HSP90AA1: variants seen among roughly 807,000 people sequenced by gnomAD.
HSP90AA1 encodes the protein heat shock protein HSP 90-alpha.
Under a neutral mutation model 73.3 loss-of-function variants are expected in HSP90AA1, and 18 were observed. That is an observed-to-expected ratio of 0.25 (90% confidence interval 0.17 to 0.36). HSP90AA1 has a LOEUF of 0.36. HSP90AA1 is among the 10% of genes least tolerant of loss of function. The probability of loss-of-function intolerance (pLI) is 1.00; values close to 1 mark genes in which losing one functional copy is unlikely to be tolerated. For missense variants in HSP90AA1, 704 were observed against 874.2 expected, an observed-to-expected ratio of 0.81 and a Z score of 2.45; for synonymous variants, 477 against 296.9, an observed-to-expected ratio of 1.61 and a Z score of -6.24.
At chr14:102,138,386 G>A (rs1328032828) in intron 1 of HSP90AA1, among the ~76,000 whole-genome samples, 1 of 152,092 alleles carries the variant, frequency 6.6e-6, no homozygotes, top group Non-Finnish European at 1.5e-5. Flanking sequence ...CCATGGTAAC[G>A]ACAGAACATA....
At chr14:102,126,924 G>A (rs2152625702) in intron 1 of HSP90AA1, among the ~76,000 whole-genome samples, 1 of 152,132 alleles carries the variant, frequency 6.6e-6, no homozygotes, top group African/African-American at 2.4e-5. Context: ...CTTACTTCCT[G>A]CCACAGGCCC....
chr14:102,087,676 T>C (rs1595661449), upstream of HSP90AA1, among the ~76,000 whole-genome samples: 1 of 152,048 alleles, frequency 6.6e-6, no homozygotes, highest in Non-Finnish European at 1.5e-5. Context: ...CTGGGGAGGC[T>C]GTCCCGCGGC....
chr14:102,129,456 C>A (rs891522125), intron 1 of HSP90AA1, among the ~76,000 whole-genome samples: 2 of 152,034 alleles, frequency 1.3e-5, no homozygotes, highest in Non-Finnish European at 2.9e-5. Context: ...TGTCATTTCC[C>A]CATCCCTAGG....
chr14:102,091,125 T>C (rs1411947981), upstream of HSP90AA1, among the ~76,000 whole-genome samples: 3 of 152,206 alleles, frequency 2.0e-5, no homozygotes, highest in Non-Finnish European at 4.4e-5. Flanking sequence ...TTATGCCCCC[T>C]CACTTGCTTG....
intron 3 of HSP90AA1, 36 bp from the exon 4 acceptor site, chr14:102,085,467 T>C: frequency 1.9e-6 from 2 of 1,054,516 alleles, no homozygotes; most frequent in Non-Finnish European, 2.7e-6. Context: ...CTTAATACAT[T>C]CAATTTAGTG....
chr14:102,107,910 C>T (rs187195651), intron 1 of HSP90AA1, among the ~76,000 whole-genome samples: 12 of 151,354 alleles, frequency 7.9e-5, no homozygotes, highest in African/African-American at 2.9e-4. Context: ...CTTCTGGTTT[C>T]TGTAATTGTA....
At chr14:102,105,827 T>C (rs962083207) in intron 1 of HSP90AA1, among the ~76,000 whole-genome samples, 1 of 152,126 alleles carries the variant, frequency 6.6e-6, no homozygotes, top group African/African-American at 2.4e-5. Context: ...CCCAGCACTT[T>C]GGGAGGGTGA....
In HSP90AA1 at chr14:102,087,028, G is replaced by C. The variant is rs955003904; in HGVS notation, c.-43C>G. The C allele has an allele frequency of 1.4e-5, 14 of 985,194 alleles. No homozygotes were observed. The highest frequency in any genetic ancestry group is 1.7e-5 in the Non-Finnish European group (14 of 830,118). The allele number at this position is 985,194 out of a possible 1,614,324, so 61.0% of individuals were successfully genotyped here. On this transcript the variant is annotated 5_prime_UTR_variant, in exon 1 of 11. Transcript: ENST00000216281. Reference sequence around the variant, plus strand: ...ACAGGACCAACGGCACAGCCACACCGGGACGCTGAAGCAACTGACGCGCCA... The same window carrying C: ...ACAGGACCAACGGCACAGCCACACCCGGACGCTGAAGCAACTGACGCGCCA...
intron 1 of HSP90AA1, among the ~76,000 whole-genome samples, chr14:102,126,549 G>A (rs566250345): frequency 1.4e-4 from 21 of 151,220 alleles, no homozygotes; most frequent in African/African-American, 4.9e-4. Context: ...TTTTTGAGAC[G>A]GAGTCTCGCT....
intron 1 of HSP90AA1, among the ~76,000 whole-genome samples, chr14:102,116,410 T>C (rs932372047): frequency 1.2e-4 from 18 of 152,222 alleles, no homozygotes; most frequent in African/African-American, 4.3e-4. Context: ...TTGCTTATCA[T>C]GGCAGTGGCC....
chr14:102,121,022 T>TACAC lies in HSP90AA1; in HGVS notation c.155+18224_155+18227dup, dbSNP rs1196251138. On this transcript the variant is annotated intron_variant, in intron 1 of 11. Coordinates refer to the HSP90AA1 transcript ENST00000334701. ...ATACACACACACACACACACACACATACACACACACACACACACACGTAAA... is the reference window on the plus strand; with the variant it reads ...ATACACACACACACACACACACACATACACACACACACACACACACACACGTAAA... Among the ~76,000 whole-genome samples, 430 of 145,282 alleles carry TACAC rather than the reference T, an allele frequency of 3.0e-3. 5 individuals carry two copies. The highest frequency in any genetic ancestry group is 0.01 in the African/African-American group (406 of 39,416).
At chr14:102,113,132 T>G (rs2049662277) in intron 1 of HSP90AA1, among the ~76,000 whole-genome samples, 1 of 152,008 alleles carries the variant, frequency 6.6e-6, no homozygotes, top group African/African-American at 2.4e-5. Flanking sequence ...CAAGCGATTC[T>G]CCTGCCTCAA....
At position 102,084,907 on chromosome 14, in the gene HSP90AA1, G is replaced by A. The variant is rs199903835; in HGVS notation, c.755C>T (p.Ser252Leu). The stretch of plus-strand genomic sequence containing the variant: ...ATCTTCAATTTCAGGTTTGTCTTCC[G>A]ACTCTTTCTCTTCTTTTTCTTTTTC... ...EEEKEKEEKE[S>L]EDKPEIEDVG... The change falls in exon 5 of 11, where the codon TCG (serine) becomes TTG (leucine). Residue 252 changes from serine (S) to leucine (L), a missense_variant. By Grantham distance (145) the Ser-to-Leu change is moderately radical (BLOSUM62 -2). Coordinates refer to ENST00000216281, the MANE Select transcript of HSP90AA1 (RefSeq NM_005348.4). 6.2e-5 allele frequency: 97 copies of A among 1,572,930 alleles called. No individual in the cohort carries two copies. The Admixed American group carries it at 8.4e-4, about 14-fold the overall frequency.
At chr14:102,084,592 C>T in intron 5 of HSP90AA1, 28 bp from the exon 6 acceptor site, 2 of 1,614,098 alleles carry the variant, frequency 1.2e-6, no homozygotes, top group Non-Finnish European at 1.7e-6. Flanking sequence ...CACTAAGTAC[C>T]AATGAACAAT....
At chr14:102,090,431 C>T (rs1379698637), upstream of HSP90AA1, among the ~76,000 whole-genome samples, 1 of 151,276 alleles carries the variant, frequency 6.6e-6, no homozygotes, top group Non-Finnish European at 1.5e-5. Flanking sequence ...GCCTCCTCCT[C>T]TTCCTTCCTC....
Position 102,085,300 on chromosome 14 carries a change from A to G in HSP90AA1, c.661T>C (p.Phe221Leu), listed in dbSNP as rs1414701096. The G allele has an allele frequency of 1.2e-6, 2 of 1,611,778 alleles. No individual in the cohort carries two copies. Among genetic ancestry groups the G allele is most frequent in the South Asian group, 2.2e-5 (2 of 91,020 alleles). ...SQFIGYPITLFVEKERDKEVS... is the reference protein window; with the variant it reads ...SQFIGYPITLLVEKERDKEVS... ...TCTGCAATTACATAAAAACTTACAA[A>G]AAGAGTAATGGGATATCCAATAAAC... The change falls in exon 4 of 11, where the codon TTT becomes CTT. Residue 221 changes from phenylalanine (F) to leucine (L), a missense_variant and splice_region_variant. By Grantham distance (22) the Phe-to-Leu change is conservative. Coordinates refer to ENST00000216281, the MANE Select transcript of HSP90AA1 (RefSeq NM_005348.4).
chr14:102,098,323 G>T lies in HSP90AA1; in HGVS notation c.366+3552C>A, dbSNP rs531237551. On this transcript the variant is annotated intron_variant, in intron 2 of 11. Coordinates refer to the HSP90AA1 transcript ENST00000334701. ...ACTATAGGCGTCTGCCACCACGCCC[G>T]GCTAATTTTTGTATTTTTAGTAGAA... Among the ~76,000 whole-genome samples the T allele has an allele frequency of 1.2e-4, 18 of 149,308 alleles. No individual in the cohort carries two copies. In the East Asian group the frequency reaches 3.4e-3, roughly 28 times the overall value.
intron 1 of HSP90AA1, among the ~76,000 whole-genome samples, chr14:102,126,512 C>A (rs551374904): frequency 1.3e-5 from 2 of 152,056 alleles, no homozygotes. Flanking sequence ...CTGACTGCAT[C>A]CTCGACTAGA....
intron 1 of HSP90AA1, among the ~76,000 whole-genome samples, chr14:102,129,973 TG>T (rs202221456): frequency 1.3e-4 from 20 of 151,920 alleles, no homozygotes; most frequent in African/African-American, 4.8e-4. Flanking sequence ...ATTTTTTTTT[TG>T]TTTTGTTTTG....
Sources: allele counts gnomAD v4.1 joint callset (sites outside exome capture counted in the v4.1 genomes callset), GRCh38; gene constraint gnomAD v4.1.1; transcripts MANE v1.5; gene names NCBI Gene and HGNC (gene_info 2026-07-23, HGNC 2026-07-21).